Variants in VEPH1 observed in about 807,000 individuals in gnomAD.
VEPH1 encodes ventricular zone-expressed PH domain-containing protein homolog 1.
VEPH1 carries 80 observed loss-of-function variants against 85.2 expected under a neutral mutation model. The observed-to-expected ratio is 0.94, with a 90% CI of 0.78 to 1.13. The LOEUF is 1.13. Among genes scored for constraint, VEPH1 ranks in the 50% most tolerant of loss-of-function variants. The probability of loss-of-function intolerance (pLI) is 0.00; values close to 1 mark genes in which losing one functional copy is unlikely to be tolerated. For missense variants in VEPH1, 955 were observed against 980.5 expected (o/e 0.97, Z 0.35); for synonymous variants, 297 against 348.0 (o/e 0.85, Z 1.63).
intron 9 of VEPH1, among the ~76,000 whole-genome samples, chr3:157,334,061 C>A (rs1202100492): frequency 2.0e-5 from 3 of 152,158 alleles, no homozygotes; most frequent in Non-Finnish European, 4.4e-5. Flanking sequence ...AGGACCTCCA[C>A]ATAGTGTATA....
chr3:157,366,792 T>C (rs1726760276), intron 7 of VEPH1, among the ~76,000 whole-genome samples: 1 of 152,100 alleles, frequency 6.6e-6, no homozygotes, highest in African/African-American at 2.4e-5. Flanking sequence ...AAAACACTAC[T>C]TTTTAGGAAA....
At chr3:157,266,912 T>C (rs1301738842) in intron 12 of VEPH1, among the ~76,000 whole-genome samples, 1 of 152,118 alleles carries the variant, frequency 6.6e-6, no homozygotes, top group African/African-American at 2.4e-5. Flanking sequence ...TTCCATCAGT[T>C]TGGAAAAATT....
chr3:157,403,159 G>A (rs1377868720), intron 6 of VEPH1, among the ~76,000 whole-genome samples: 1 of 151,894 alleles, frequency 6.6e-6, no homozygotes, highest in African/African-American at 2.4e-5. Flanking sequence ...ATTGTTACAC[G>A]ATTTTACATC....
intron 4 of VEPH1, among the ~76,000 whole-genome samples, chr3:157,454,257 C>T (rs1475757490): frequency 6.6e-6 from 1 of 151,922 alleles, no homozygotes; most frequent in Non-Finnish European, 1.5e-5. Context: ...GTGATTTAAT[C>T]CCGTGGCCAA....
chr3:157,307,670 C>T (rs973963034), intron 11 of VEPH1, among the ~76,000 whole-genome samples: 5 of 151,810 alleles, frequency 3.3e-5, no homozygotes, highest in Non-Finnish European at 5.9e-5. Context: ...TTTCCTCCCC[C>T]ACAGTCTTTC....
At chr3:157,295,887 A>G (rs1221528145) in intron 11 of VEPH1, among the ~76,000 whole-genome samples, 1 of 152,182 alleles carries the variant, frequency 6.6e-6, no homozygotes, top group East Asian at 1.9e-4. Flanking sequence ...CCTGGGAGGC[A>G]GACGTTGCAG....
chr3:157,421,388 G>A (rs1240917602), intron 5 of VEPH1, among the ~76,000 whole-genome samples: 1 of 152,146 alleles, frequency 6.6e-6, no homozygotes, highest in African/African-American at 2.4e-5. Context: ...AGCTCACTCA[G>A]TTTACCTCCA....
chr3:157,266,048 G>A (rs1577183724), intron 12 of VEPH1, among the ~76,000 whole-genome samples: 1 of 147,432 alleles, frequency 6.8e-6, no homozygotes, highest in South Asian at 2.2e-4. Context: ...AAAGTATCTA[G>A]TATGCCATAA....
intron 2 of VEPH1, among the ~76,000 whole-genome samples, chr3:157,492,281 A>G (rs1333837143): frequency 6.6e-6 from 1 of 152,196 alleles, no homozygotes; most frequent in African/African-American, 2.4e-5. Flanking sequence ...TGAGAACAGC[A>G]TGAAACACAC....
In VEPH1 at chr3:157,501,613, A is replaced by G. The variant is rs1740126840; in HGVS notation, c.-158+1664T>C. ...TGTAGATTCTGCTAAATGAAAATAT[A>G]CATGAACTGGAGGACTTAATCGCCA... On this transcript the variant is annotated intron_variant, in intron 1 of 13. Coordinates refer to ENST00000362010, the MANE Select transcript of VEPH1 (RefSeq NM_001167912.2). 2.6e-5 allele frequency among the ~76,000 whole-genome samples: 4 copies of G among 152,196 alleles called. No individual in the cohort carries two copies. In the South Asian group the frequency reaches 8.3e-4, roughly 32 times the overall value.
chr3:157,314,617 A>G (rs1267197106), intron 10 of VEPH1, among the ~76,000 whole-genome samples: 1 of 152,088 alleles, frequency 6.6e-6, no homozygotes, highest in Admixed American at 6.5e-5. Flanking sequence ...GAGTACAAAA[A>G]TCAAGTCTAT....
chr3:157,403,234 G>C (rs1186818391), intron 6 of VEPH1, among the ~76,000 whole-genome samples: 1 of 151,008 alleles, frequency 6.6e-6, no homozygotes, highest in Non-Finnish European at 1.5e-5. Context: ...GATCCTACTT[G>C]AGCTACAAAA....
At position 157,483,123 on chromosome 3, in the gene VEPH1, TACACACAC is replaced by T. The variant is rs60205276; in HGVS notation, c.138+12081_138+12088del. ...ATCCTTCTTTCCACTTTTAAAAGCA[TACACACAC>T]ACACACACACACACACACACACAAT... On this transcript the variant is annotated intron_variant, in intron 2 of 13. Coordinates refer to ENST00000362010, the MANE Select transcript of VEPH1 (RefSeq NM_001167912.2). Among the ~76,000 whole-genome samples, 592 of 147,044 alleles carry T rather than the reference TACACACAC, an allele frequency of 4.0e-3. 6 individuals are homozygous for T. The highest frequency in any genetic ancestry group is 0.014 in the African/African-American group (565 of 40,002).
chr3:157,440,788 C>T (rs889731615), intron 4 of VEPH1, among the ~76,000 whole-genome samples: 2 of 152,116 alleles, frequency 1.3e-5, no homozygotes, highest in Non-Finnish European at 1.5e-5. Context: ...ATGGCTAAGT[C>T]GCCTTGAGAT....
chr3:157,277,565 GT>G (rs1294833245), intron 12 of VEPH1, among the ~76,000 whole-genome samples: 1 of 152,166 alleles, frequency 6.6e-6, no homozygotes, highest in East Asian at 1.9e-4. Context: ...AGTTCCATCT[GT>G]TGTGGTTCAG....
intron 2 of VEPH1, among the ~76,000 whole-genome samples, chr3:157,494,025 G>A (rs542659080): frequency 2.6e-4 from 40 of 152,234 alleles, no homozygotes; most frequent in African/African-American, 9.6e-4. Context: ...TGTGCTTTGC[G>A]TCAACCTAAG....
chr3:157,470,426 G>T lies in VEPH1; in HGVS notation c.242C>A (p.Ala81Asp). The change falls in exon 3 of 14, where the codon GCC becomes GAC. Residue 81 changes from alanine to aspartate, a missense_variant. Transcript: ENST00000362010. ...ETESIEKHAK[A>D]LVGLWDSCLE... is the part of the protein sequence containing the mutation. Reference sequence around the variant, plus strand: ...GCAGGAGTCCCAGAGCCCCACAAGGGCCTTTGCATGCTTTTCAATGGACTC... The same window carrying T: ...GCAGGAGTCCCAGAGCCCCACAAGGTCCTTTGCATGCTTTTCAATGGACTC... 2 of 1,614,166 alleles carry T rather than the reference G, an allele frequency of 1.2e-6. No individual in the cohort carries two copies. The highest frequency in any genetic ancestry group is 1.7e-6 in the Non-Finnish European group (2 of 1,180,028).
At chr3:157,442,095 A>G (rs78836556) in intron 4 of VEPH1, among the ~76,000 whole-genome samples, 2 of 152,090 alleles carry the variant, frequency 1.3e-5, no homozygotes. Context: ...TATGGCTTTT[A>G]TTATTTTGTG....
intron 4 of VEPH1, among the ~76,000 whole-genome samples, chr3:157,439,968 T>C (rs1733993070): frequency 6.6e-6 from 1 of 152,152 alleles, no homozygotes; most frequent in Non-Finnish European, 1.5e-5. Flanking sequence ...GCCAGGATGG[T>C]CTCGATCTCC....
Sources: gnomAD v4.1 joint callset for allele counts (sites outside exome capture counted in the v4.1 genomes callset) on GRCh38, gnomAD v4.1.1 for gene constraint, MANE v1.5 for transcripts, NCBI Gene and HGNC (gene_info 2026-07-23, HGNC 2026-07-21) for gene names.